Variants in WWTR1 observed in about 807,000 individuals in gnomAD.
WWTR1 encodes WW domain-containing transcription regulator protein 1.
WWTR1 carries 13 observed loss-of-function variants against 40.1 expected under a neutral mutation model. The ratio of observed to expected loss-of-function variants is 0.32; its 90% CI spans 0.21 to 0.52. The LOEUF is 0.52. WWTR1 is among the 20% of genes least tolerant of loss of function. WWTR1 has a pLI of 0.97. For missense variants in WWTR1, 436 were observed against 523.1 expected, an observed-to-expected ratio of 0.83 and a Z score of 1.63; for synonymous variants, 230 against 210.1, an observed-to-expected ratio of 1.09 and a Z score of -0.82.
chr3:149,533,894 C>A (rs185963382), intron 4 of WWTR1, among the ~76,000 whole-genome samples: 25 of 150,646 alleles, frequency 1.7e-4, no homozygotes, highest in Middle Eastern at 3.4e-3. Context: ...GTGTGGGAGG[C>A]AGAGATACTA....
chr3:149,655,356 A>C (rs1713145366), intron 2 of WWTR1, among the ~76,000 whole-genome samples: 1 of 151,728 alleles, frequency 6.6e-6, no homozygotes. Flanking sequence ...GAGGCAGAAG[A>C]ATTGCTTGAA....
At chr3:149,564,450 C>A (rs1279951448) in intron 3 of WWTR1, among the ~76,000 whole-genome samples, 4 of 151,784 alleles carry the variant, frequency 2.6e-5, no homozygotes, top group Non-Finnish European at 5.9e-5. Flanking sequence ...CCTCTTCCAC[C>A]ACAAAAAGCT....
intron 2 of WWTR1, among the ~76,000 whole-genome samples, chr3:149,580,901 C>A (rs898892170): frequency 6.6e-6 from 1 of 152,186 alleles, no homozygotes; most frequent in South Asian, 2.1e-4. Flanking sequence ...CGTGAGCCAC[C>A]GCGCCTGGCG....
intron 1 of WWTR1, among the ~76,000 whole-genome samples, chr3:149,699,926 T>A (rs1325171076): frequency 6.6e-6 from 1 of 152,168 alleles, no homozygotes; most frequent in Non-Finnish European, 1.5e-5. Context: ...ACCCCACTCA[T>A]CAGTACCAAT....
At chr3:149,672,823 A>T (rs10154942) in intron 1 of WWTR1, among the ~76,000 whole-genome samples, 85,249 of 148,204 alleles carry the variant, frequency 0.58, 24,709 homozygotes, top group Admixed American at 0.67. Flanking sequence ...TCACTTGGTC[A>T]CCCAAACTGG....
At chr3:149,676,185 T>C (rs1714251529) in intron 1 of WWTR1, among the ~76,000 whole-genome samples, 1 of 152,136 alleles carries the variant, frequency 6.6e-6, no homozygotes, top group Non-Finnish European at 1.5e-5. Flanking sequence ...AGAGATGTCC[T>C]TGTCAACCTA....
intron 2 of WWTR1, among the ~76,000 whole-genome samples, chr3:149,622,699 C>T (rs1740369955): frequency 6.6e-6 from 1 of 151,868 alleles, no homozygotes; most frequent in African/African-American, 2.4e-5. Context: ...CAAACCAAAA[C>T]CAAAACCAAA....
At chr3:149,625,335 G>A (rs2108095385) in intron 2 of WWTR1, among the ~76,000 whole-genome samples, 1 of 151,464 alleles carries the variant, frequency 6.6e-6, no homozygotes, top group East Asian at 2.0e-4. Context: ...AGCCAGGATG[G>A]TCTCGATCTC....
rs1735302470 is a variant in WWTR1 at position 149,526,238 on chromosome 3, T to G, written c.906-113A>C. Reference sequence around the variant, plus strand: ...TGCAGTTGTGCCATGCTGCCCAACTTTCCAGGTTAGGGAGGAAGGAAAGTT... The same window carrying G: ...TGCAGTTGTGCCATGCTGCCCAACTGTCCAGGTTAGGGAGGAAGGAAAGTT... On this transcript the variant is annotated intron_variant, in intron 5 of 6. Coordinates refer to ENST00000360632, the MANE Select transcript of WWTR1 (RefSeq NM_015472.6). The G allele has an allele frequency of 4.8e-6, 3 of 624,390 alleles. No homozygotes were observed. In the East Asian group the frequency reaches 9.7e-5, roughly 20 times the overall value. The allele number at this position is 624,390 out of a possible 1,614,324, so 38.7% of individuals were successfully genotyped here.
chr3:149,538,797 G>A (rs1735945989), intron 4 of WWTR1, among the ~76,000 whole-genome samples: 1 of 152,188 alleles, frequency 6.6e-6, no homozygotes, highest in South Asian at 2.1e-4. Context: ...CCCCTGTGAA[G>A]CAGGGAATGG....
chr3:149,592,400 C>A lies in WWTR1; in HGVS notation c.432-19400G>T, dbSNP rs1363433998. 4.6e-5 allele frequency among the ~76,000 whole-genome samples: 7 copies of A among 152,256 alleles called. No individual in the cohort carries two copies. The South Asian group carries it at 8.3e-4, about 18-fold the overall frequency. On this transcript the variant is annotated intron_variant, in intron 2 of 6. Transcript: ENST00000360632. ...GTCTGAACACACACTGTGCTTCTGACACTATGGCAATATTTTATACCCAAC... is the reference window on the plus strand; with the variant it reads ...GTCTGAACACACACTGTGCTTCTGAAACTATGGCAATATTTTATACCCAAC...
chr3:149,649,959 G>A (rs900333946), intron 2 of WWTR1: 5 of 148,378 alleles, frequency 3.4e-5, no homozygotes, highest in African/African-American at 1.2e-4. Flanking sequence ...ACAGAATCTC[G>A]CTATGTTGCC....
chr3:149,682,725 A>C (rs1259155287), intron 1 of WWTR1, among the ~76,000 whole-genome samples: 2 of 152,226 alleles, frequency 1.3e-5, no homozygotes, highest in African/African-American at 4.8e-5. Context: ...CTTTTACATT[A>C]TCTGCCTCCT....
At chr3:149,703,260 T>C (rs560121005) in exon 1 of WWTR1, 2 of 152,308 alleles carry the variant, frequency 1.3e-5, no homozygotes, top group Non-Finnish European at 2.9e-5. Flanking sequence ...TCTGGTGTTG[T>C]AGAGGAGTGT....
chr3:149,652,620 CAAAAAAAAAAAAAAAAAAAAAAAAAA>C lies in WWTR1; in HGVS notation c.431+4230_431+4255del, dbSNP rs758013561. On this transcript the variant is annotated intron_variant, in intron 2 of 6. Transcript: ENST00000360632. ...TGGGTGACAGAGACAGACCCCATCT[CAAAAAAAAAAAAAAAAAAAAAAAAAA>C]AAAAAAAAAAAAAAAAAAAAAGATG... Among the ~76,000 whole-genome samples, 149 of 20,218 alleles carry C rather than the reference CAAAAAAAAAAAAAAAAAAAAAAAAAA, an allele frequency of 7.4e-3. 1 individual carries two copies. The highest frequency in any genetic ancestry group is 0.015 in the South Asian group (9 of 612). The allele number at this position is 20,218 out of a possible 152,430, so 13.3% of individuals were successfully genotyped here.
At chr3:149,627,529 C>T (rs1443994835) in intron 2 of WWTR1, among the ~76,000 whole-genome samples, 1 of 152,120 alleles carries the variant, frequency 6.6e-6, no homozygotes, top group Non-Finnish European at 1.5e-5. Context: ...GCCAGAGAAG[C>T]CAGGAAGAAA....
chr3:149,626,077 C>T (rs888329120), intron 2 of WWTR1, among the ~76,000 whole-genome samples: 1 of 152,176 alleles, frequency 6.6e-6, no homozygotes, highest in Non-Finnish European at 1.5e-5. Context: ...AATTGTAACT[C>T]ATGACAAATG....
chr3:149,713,842 C>T (rs1398231086), intron 5 of WWTR1, among the ~76,000 whole-genome samples: 1 of 152,192 alleles, frequency 6.6e-6, no homozygotes, highest in Non-Finnish European at 1.5e-5. Context: ...CCTGAGGCAG[C>T]GGACTTCGAC....
chr3:149,695,998 A>G (rs1364242845), intron 1 of WWTR1, among the ~76,000 whole-genome samples: 1 of 148,286 alleles, frequency 6.7e-6, no homozygotes, highest in Non-Finnish European at 1.5e-5. Flanking sequence ...CTGTAGTCCC[A>G]GCTACTCGGG....
Sources: gnomAD v4.1 joint callset for allele counts (sites outside exome capture counted in the v4.1 genomes callset) on GRCh38, gnomAD v4.1.1 for gene constraint, MANE v1.5 for transcripts, NCBI Gene and HGNC (gene_info 2026-07-23, HGNC 2026-07-21) for gene names.